MTSS2: variants seen among roughly 807,000 people sequenced by gnomAD.
MTSS2 encodes protein MTSS 2.
A neutral mutation model predicts 67.1 loss-of-function variants in MTSS2; 27 were observed. The observed-to-expected ratio is 0.40, with a 90% confidence interval of 0.30 to 0.55. The LOEUF (loss-of-function observed/expected upper bound fraction) is 0.55. Among genes scored for constraint, MTSS2 ranks in the 20% least tolerant of loss-of-function variants. The pLI, the probability that MTSS2 is intolerant of heterozygous loss-of-function variation, is 0.43. For synonymous variants in MTSS2, 624 were observed against 468.6 expected (o/e 1.33, Z -4.28); for missense variants, 1,171 against 1,067.8 (o/e 1.10, Z -1.35).
chr16:70,665,122 G>A lies in MTSS2; in HGVS notation c.1129-26C>T, dbSNP rs749594021. The A allele has an allele frequency of 7.0e-6, 11 of 1,575,542 alleles. No homozygotes were observed. The South Asian group carries it at 1.3e-4, about 18-fold the overall frequency. ...CTGCAGGGAGGGTGTGGCAGGTCAG[G>A]GGGACCACTGGCCCTACCACCTATG... On this transcript the variant is annotated intron_variant, in intron 12 of 14. Transcript: ENST00000338779.
intron 9 of MTSS2, among the ~76,000 whole-genome samples, chr16:70,677,229 C>T (rs963460528): frequency 6.6e-6 from 1 of 152,172 alleles, no homozygotes; most frequent in Non-Finnish European, 1.5e-5. Context: ...CGAGAGTGAC[C>T]CTGACACCAT....
At chr16:70,683,682 C>A (rs909931888) in intron 1 of MTSS2, among the ~76,000 whole-genome samples, 2 of 152,234 alleles carry the variant, frequency 1.3e-5, no homozygotes, top group Admixed American at 1.3e-4. Context: ...CTCCCAGAGG[C>A]CCAGGGGAGG....
At chr16:70,677,367 G>A (rs768570095) in intron 9 of MTSS2, among the ~76,000 whole-genome samples, 4 of 152,288 alleles carry the variant, frequency 2.6e-5, no homozygotes, top group African/African-American at 7.2e-5. Context: ...CGTGCTGCCC[G>A]CAGGCTGTGG....
intron 11 of MTSS2, among the ~76,000 whole-genome samples, chr16:70,666,960 TAA>T (rs1374301779): frequency 4.0e-5 from 6 of 151,808 alleles, no homozygotes; most frequent in Non-Finnish European, 8.8e-5. Flanking sequence ...GGAAAAGAAA[TAA>T]AAAACAAATG....
At position 70,662,485 on chromosome 16, in the gene MTSS2, A is replaced by C. The variant is rs1225120493; in HGVS notation, c.*1192T>G. On this transcript the variant is annotated 3_prime_UTR_variant, in exon 15 of 15. Coordinates refer to ENST00000338779, the MANE Select transcript of MTSS2 (RefSeq NM_138383.3). The stretch of plus-strand genomic sequence containing the variant: ...CCTCCGGCAACAGAGAGTCAAAGCC[A>C]ATCTTCCCAGACTCGCTCCCCCACC... 2.6e-5 allele frequency: 4 copies of C among 152,372 alleles called. No individual in the cohort carries two copies. Among genetic ancestry groups the C allele is most frequent in the East Asian group, 1.9e-4 (1 of 5,156 alleles). The allele number at this position is 152,372 out of a possible 1,614,324, so 9.4% of individuals were successfully genotyped here.
chr16:70,671,473 A>T (rs2052934809), intron 11 of MTSS2, among the ~76,000 whole-genome samples: 1 of 152,110 alleles, frequency 6.6e-6, no homozygotes, highest in Non-Finnish European at 1.5e-5. Context: ...AGAAATATTT[A>T]TGAGTCCATA....
chr16:70,664,252 C>T lies in MTSS2; in HGVS notation c.1669G>A (p.Ala557Thr), dbSNP rs375556537. 10 of 1,556,996 alleles carry T rather than the reference C, an allele frequency of 6.4e-6. No homozygotes were observed. The highest frequency in any genetic ancestry group is 2.7e-5 in the African/African-American group (2 of 73,646). Residue 557 changes from alanine (A) to threonine (T), a missense_variant, in exon 15 of 15, where the codon GCA (alanine) becomes ACA (threonine). Coordinates refer to ENST00000338779, the MANE Select transcript of MTSS2 (RefSeq NM_138383.3). ...CGGATGGTGGCCACGCCGGGGGGTG[C>T]GCCCGAGGGCAGGCCAGTGGCCGTG... ...LPTATGLPSG[A>T]PPGVATIRRT...
At chr16:70,682,197 A>C (rs2053323910) in intron 1 of MTSS2, among the ~76,000 whole-genome samples, 1 of 152,154 alleles carries the variant, frequency 6.6e-6, no homozygotes, top group Non-Finnish European at 1.5e-5. Context: ...CAGAGAAAGC[A>C]AATATTTGCA....
rs927641948 is a variant in MTSS2, at chr16:70,661,243, A to G, written c.*2434T>C. On this transcript the variant is annotated 3_prime_UTR_variant, in exon 15 of 15. Coordinates refer to ENST00000338779, the MANE Select transcript of MTSS2 (RefSeq NM_138383.3). ...CACCTTTATTAATACTGGAATCTTC[A>G]CAGTGCATCTGTTACTTGTAGCAGT... 7 of 455,722 alleles carry G rather than the reference A, an allele frequency of 1.5e-5. No individual in the cohort carries two copies. The highest frequency in any genetic ancestry group is 3.1e-5 in the Non-Finnish European group (7 of 226,762). 28.2% of individuals were successfully genotyped at this position (455,722 alleles called of 1,614,324 possible).
At position 70,679,792 on chromosome 16, in the gene MTSS2, C is replaced by T. The variant is rs747313832; in HGVS notation, c.376G>A (p.Ala126Thr). 30 of 1,611,172 alleles carry T rather than the reference C, an allele frequency of 1.9e-5. No individual in the cohort carries two copies. Among genetic ancestry groups the T allele is most frequent in the Non-Finnish European group, 2.5e-5 (30 of 1,179,648 alleles). Residue 126 changes from alanine (A) to threonine (T), a missense_variant, in exon 5 of 15, where the codon GCG (alanine) becomes ACG (threonine). This residue lies in a region of MTSS2 where 247 missense variants were observed against 311.8 expected (regional missense o/e 0.79). Transcript: ENST00000338779. The part of the protein sequence containing the change: ...KAANQLDKDH[A>T]KEYKRARHEI... ...GGCTCCGCGCCACCCTCACCTTTCG[C>T]GTGGTCCTTGTCCAGCTGGTTGGCC...
chr16:70,664,398 G>C lies in MTSS2; in HGVS notation c.1523C>G (p.Pro508Arg), dbSNP rs762268664. Residue 508 changes from proline (P) to arginine (R), a missense_variant, in exon 15 of 15, where the codon CCG becomes CGG. By Grantham distance (103) the Pro-to-Arg change is moderately radical. This residue lies in a region of MTSS2 where 924 missense variants were observed against 756.0 expected (regional missense o/e 1.22). Coordinates refer to ENST00000338779, the MANE Select transcript of MTSS2 (RefSeq NM_138383.3). Reference sequence around the variant, plus strand: ...GGTGGATGACTTGTCAAACTCGGGCGGGCCCTCGCTGTCCGCATCCCCATT... The same window carrying C: ...GGTGGATGACTTGTCAAACTCGGGCCGGCCCTCGCTGTCCGCATCCCCATT... ...SVNGDADSEG[P>R]PEFDKSSTIP... is the part of the protein sequence containing the mutation. The C allele has an allele frequency of 1.3e-6, 2 of 1,559,802 alleles. No individual in the cohort carries two copies. Among genetic ancestry groups the C allele is most frequent in the African/African-American group, 1.4e-5 (1 of 73,186 alleles).
At position 70,663,779 on chromosome 16, in the gene MTSS2, G is replaced by T. The variant is rs2151903317; in HGVS notation, c.2142C>A (p.Ala714=). 6.6e-7 allele frequency: 1 copy of T among 1,520,146 alleles called. No homozygotes were observed. The highest frequency in any genetic ancestry group is 2.3e-4 in the Middle Eastern group (1 of 4,428). The allele number at this position is 1,520,146 out of a possible 1,614,324, so 94.2% of individuals were successfully genotyped here. Residue 714 remains alanine, a synonymous_variant, in exon 15 of 15, where the codon GCC becomes GCA. Transcript: ENST00000338779. ...TGTCTTCGGCCGGGGGGTCGCTGGT[G>T]GCGGCTGGGGGTGGGGTGGGCGTCT... ...TEETPTPPPA[A]TSDPPAEDML...
chr16:70,669,129 G>A (rs959959946), intron 11 of MTSS2, among the ~76,000 whole-genome samples: 4 of 151,936 alleles, frequency 2.6e-5, no homozygotes, highest in Non-Finnish European at 5.9e-5. Context: ...TCTCAAGCAG[G>A]ACACAAATAG....
At chr16:70,677,714 C>T (rs1275181082) in intron 9 of MTSS2, 78 bp downstream of exon 9, 2 of 1,147,668 alleles carry the variant, frequency 1.7e-6, no homozygotes, top group African/African-American at 1.5e-5. Context: ...CCTCTTTTCC[C>T]CTTTACTGTT....
intron 11 of MTSS2, among the ~76,000 whole-genome samples, chr16:70,666,207 G>T (rs1236913028): frequency 2.0e-5 from 3 of 152,180 alleles, no homozygotes; most frequent in Non-Finnish European, 2.9e-5. Flanking sequence ...GGGGGCAGCT[G>T]TGCTGATGCT....
intron 1 of MTSS2, 138 bp from the exon 2 acceptor site, chr16:70,681,163 T>C: frequency 1.3e-6 from 1 of 761,084 alleles, no homozygotes; most frequent in East Asian, 2.7e-5. Flanking sequence ...AGAGGGAGGC[T>C]CTGGGTCCTC....
At chr16:70,672,681 C>CAAA (rs60173167) in intron 11 of MTSS2, among the ~76,000 whole-genome samples, 10 of 117,554 alleles carry the variant, frequency 8.5e-5, no homozygotes, top group East Asian at 2.5e-4. Flanking sequence ...GGTTAAATAG[C>CAAA]AAAAAAAAAA....
chr16:70,675,439 C>G (rs2053086994), intron 10 of MTSS2, among the ~76,000 whole-genome samples: 1 of 152,122 alleles, frequency 6.6e-6, no homozygotes. Flanking sequence ...ACAACAAAAC[C>G]CAAAAAACCC....
In MTSS2 at chr16:70,663,788, G is replaced by A. The variant is rs1010639386; in HGVS notation, c.2133C>T (p.Pro711=). The part of the protein sequence containing the change: ...ATPTEETPTP[P]PAATSDPPAE... ...CCGGGGGGTCGCTGGTGGCGGCTGG[G>A]GGTGGGGTGGGCGTCTCCTCCGTGG... The change falls in exon 15 of 15, where the codon CCC becomes CCT. Residue 711 remains proline, a synonymous_variant. Transcript: ENST00000338779. 1.4e-5 allele frequency: 22 copies of A among 1,520,534 alleles called. No individual in the cohort carries two copies. The African/African-American group carries it at 2.5e-4, about 17-fold the overall frequency. 94.2% of individuals were successfully genotyped at this position (1,520,534 alleles called of 1,614,324 possible).
Sources: gnomAD v4.1 joint callset for allele counts (sites outside exome capture counted in the v4.1 genomes callset) on GRCh38, gnomAD v4.1.1 for gene constraint, gnomAD v4.1.1 regional missense constraint, MANE v1.5 for transcripts, NCBI Gene and HGNC (gene_info 2026-07-23, HGNC 2026-07-21) for gene names.